The following CASR variants were observed in gnomAD, a reference collection of about 807,000 sequenced individuals.
The protein encoded by CASR is calcium sensing receptor.
CASR carries 23 observed loss-of-function variants against 69.1 expected under a neutral mutation model. That is an observed-to-expected ratio of 0.33 (90% CI 0.24 to 0.47). The LOEUF (loss-of-function observed/expected upper bound fraction) is 0.47. Among genes scored for constraint, CASR ranks in the 20% least tolerant of loss-of-function variants. The pLI is 1.00. For missense variants in CASR, 924 were observed against 1,356.1 expected (o/e 0.68, Z 5.00); for synonymous variants, 541 against 544.7 (o/e 0.99, Z 0.10).
In CASR at chr3:122,235,661, G is replaced by T. The variant is rs549971056; in HGVS notation, c.-242-18287G>T. Among the ~76,000 whole-genome samples the T allele has an allele frequency of 2.6e-5, 4 of 152,314 alleles. No homozygotes were observed. In the South Asian group the frequency reaches 8.3e-4, roughly 32 times the overall value. Reference sequence around the variant, plus strand: ...ATTTTTTAAAAAATAGCCTGGGGTAGTGGCATGTTCCTATAGTTTTAGTTA... The same window carrying T: ...ATTTTTTAAAAAATAGCCTGGGGTATTGGCATGTTCCTATAGTTTTAGTTA... On this transcript the variant is annotated intron_variant, in intron 1 of 6. Coordinates refer to ENST00000639785, the MANE Select transcript of CASR (RefSeq NM_000388.4).
In CASR at chr3:122,262,384, C is replaced by G; in HGVS notation, c.1349C>G (p.Ala450Gly). Residue 450 changes from alanine (A) to glycine (G), a missense_variant, in exon 4 of 7, where the codon GCA (alanine) becomes GGA (glycine). Physicochemically the swap from Ala to Gly is moderately conservative, Grantham distance 60. Around this residue, in one of 8 missense-constraint regions of CASR, gnomAD observed 310 missense variants for 395.7 expected, o/e 0.78. Coordinates refer to ENST00000639785, the MANE Select transcript of CASR (RefSeq NM_000388.4). ...GGGCTCTTCACCAATGGCTCCTGTG[C>G]AGACATCAAGAAAGTTGAGGCGTGG... ...GRGLFTNGSC[A>G]DIKKVEAWQV... 1 of 1,613,548 alleles carries G rather than the reference C, an allele frequency of 6.2e-7. No homozygotes were observed. The highest frequency in any genetic ancestry group is 8.5e-7 in the Non-Finnish European group (1 of 1,179,994).
Position 122,282,241 on chromosome 3 carries a change from G to A in CASR, c.1732+5G>A, listed in dbSNP as rs2074900109. ...GGGAGTATAGTGATGAGACAGGTAAGGGAACCCCTCTTGGGCACTGTGCAG... is the reference window on the plus strand; with the variant it reads ...GGGAGTATAGTGATGAGACAGGTAAAGGAACCCCTCTTGGGCACTGTGCAG... On this transcript the variant is annotated splice_donor_5th_base_variant and intron_variant, in intron 6 of 6. Coordinates refer to ENST00000639785, the MANE Select transcript of CASR (RefSeq NM_000388.4). 1 of 1,614,052 alleles carries A rather than the reference G, an allele frequency of 6.2e-7. No homozygotes were observed. The highest frequency in any genetic ancestry group is 1.1e-5 in the South Asian group (1 of 91,064).
chr3:122,209,479 G>T (rs907523724), intron 1 of CASR, among the ~76,000 whole-genome samples: 3 of 152,204 alleles, frequency 2.0e-5, no homozygotes, highest in Non-Finnish European at 2.9e-5. Flanking sequence ...AGGCAAGGAG[G>T]AGCAGGTCGC....
intron 1 of CASR, among the ~76,000 whole-genome samples, chr3:122,210,670 A>G (rs895847142): frequency 6.6e-6 from 1 of 152,370 alleles, no homozygotes; most frequent in South Asian, 2.1e-4. Context: ...TGCACAAAGT[A>G]ATGTGTAGAT....
chr3:122,196,005 T>C (rs1271146957), intron 1 of CASR, among the ~76,000 whole-genome samples: 4 of 152,194 alleles, frequency 2.6e-5, no homozygotes, highest in Admixed American at 6.5e-5. Flanking sequence ...GTTGATATGT[T>C]CAAAGATTTT....
At chr3:122,185,887 A>T (rs536444246) in intron 1 of CASR, among the ~76,000 whole-genome samples, 1 of 152,196 alleles carries the variant, frequency 6.6e-6, no homozygotes, top group East Asian at 1.9e-4. Context: ...GCAGGCCAAG[A>T]CCCTTGAGTA....
At chr3:122,277,926 G>T (rs1254252104) in intron 5 of CASR, among the ~76,000 whole-genome samples, 1 of 152,186 alleles carries the variant, frequency 6.6e-6, no homozygotes, top group Non-Finnish European at 1.5e-5. Flanking sequence ...TCTTGGAATA[G>T]TTGACACAGT....
chr3:122,248,937 A>G (rs138150954), intron 1 of CASR, among the ~76,000 whole-genome samples: 2 of 152,334 alleles, frequency 1.3e-5, no homozygotes, highest in African/African-American at 4.8e-5. Context: ...CAAGTTCAAC[A>G]GACATTTTTA....
chr3:122,202,123 G>A (rs1160823762), intron 1 of CASR, among the ~76,000 whole-genome samples: 3 of 152,268 alleles, frequency 2.0e-5, no homozygotes, highest in South Asian at 2.1e-4. Context: ...CTCCAGCCTG[G>A]GCACCATTGA....
chr3:122,282,911 G>A (rs965083907), intron 6 of CASR, among the ~76,000 whole-genome samples: 2 of 152,216 alleles, frequency 1.3e-5, no homozygotes, highest in Admixed American at 6.5e-5. Context: ...TCACTAGTAA[G>A]TTGTATGGCC....
chr3:122,230,752 A>G (rs2074271001), intron 1 of CASR, among the ~76,000 whole-genome samples: 1 of 152,216 alleles, frequency 6.6e-6, no homozygotes, highest in Admixed American at 6.5e-5. Flanking sequence ...TTACAAGAGA[A>G]GACACCAAAG....
intron 1 of CASR, among the ~76,000 whole-genome samples, chr3:122,221,217 A>G (rs907675703): frequency 1.3e-5 from 2 of 152,212 alleles, no homozygotes; most frequent in African/African-American, 4.8e-5. Flanking sequence ...GAATTTTTCC[A>G]TATATTTTTG....
chr3:122,193,653 C>A (rs2073859989), intron 1 of CASR, among the ~76,000 whole-genome samples: 1 of 152,168 alleles, frequency 6.6e-6, no homozygotes, highest in African/African-American at 2.4e-5. Context: ...GAGATTAGTT[C>A]AAAATACATA....
chr3:122,250,663 T>C (rs948866693), intron 1 of CASR, among the ~76,000 whole-genome samples: 2 of 152,200 alleles, frequency 1.3e-5, no homozygotes, highest in Non-Finnish European at 2.9e-5. Flanking sequence ...ATACATGGAA[T>C]GTTTAAGGGA....
Position 122,282,147 on chromosome 3 carries a change from C to A in CASR, c.1643C>A (p.Ala548Glu). ...TCCAACTGCAGCCGAGACTGCCTGG[C>A]AGGGACCAGGAAAGGGATCATTGAG... ...PFSNCSRDCLAGTRKGIIEGE... is the reference protein window; with the variant it reads ...PFSNCSRDCLEGTRKGIIEGE... The change falls in exon 6 of 7, where the codon GCA (alanine) becomes GAA (glutamate). Residue 548 changes from alanine to glutamate, a missense_variant. This residue lies in a region of CASR where 310 missense variants were observed against 395.7 expected (regional missense o/e 0.78). Coordinates refer to ENST00000639785, the MANE Select transcript of CASR (RefSeq NM_000388.4). The A allele has an allele frequency of 1.2e-6, 2 of 1,614,058 alleles. No homozygotes were observed. The highest frequency in any genetic ancestry group is 1.7e-6 in the Non-Finnish European group (2 of 1,179,892).
chr3:122,284,634 G>A lies in CASR; in HGVS notation c.2680G>A (p.Val894Ile), dbSNP rs200883282. 3.7e-6 allele frequency: 6 copies of A among 1,613,902 alleles called. No individual in the cohort carries two copies. Among genetic ancestry groups the A allele is most frequent in the African/African-American group, 1.3e-5 (1 of 74,938 alleles). ...CCGGGCCACGCTGCGCCGCAGCAAC[G>A]TCTCCCGCAAGCGGTCCAGCAGCCT... The part of the protein sequence containing the change: ...AARATLRRSN[V>I]SRKRSSSLGG... Residue 894 changes from valine to isoleucine, a missense_variant, in exon 7 of 7, where the codon GTC (valine) becomes ATC (isoleucine). Coordinates refer to ENST00000639785, the MANE Select transcript of CASR (RefSeq NM_000388.4).
rs747205055 is a variant in CASR, at chr3:122,284,646, C to T, written c.2692C>T (p.Arg898Trp). 1 of 1,613,952 alleles carries T rather than the reference C, an allele frequency of 6.2e-7. No individual in the cohort carries two copies. The highest frequency in any genetic ancestry group is 8.5e-7 in the Non-Finnish European group (1 of 1,179,902). ...TLRRSNVSRK[R>W]SSSLGGSTGS... is the part of the protein sequence containing the mutation. ...GCGCCGCAGCAACGTCTCCCGCAAGCGGTCCAGCAGCCTTGGAGGCTCCAC... is the reference window on the plus strand; with the variant it reads ...GCGCCGCAGCAACGTCTCCCGCAAGTGGTCCAGCAGCCTTGGAGGCTCCAC... The change falls in exon 7 of 7, where the codon CGG becomes TGG. Residue 898 changes from arginine to tryptophan, a missense_variant. Arg to Trp is a moderately radical substitution (Grantham distance 101). This residue lies in a region of CASR where 201 missense variants were observed against 228.8 expected (regional missense o/e 0.88). Coordinates refer to ENST00000639785, the MANE Select transcript of CASR (RefSeq NM_000388.4).
At chr3:122,200,570 T>C (rs1212062448) in intron 1 of CASR, among the ~76,000 whole-genome samples, 2 of 152,198 alleles carry the variant, frequency 1.3e-5, no homozygotes, top group Non-Finnish European at 2.9e-5. Flanking sequence ...ATCACTGTAG[T>C]TTATTCATTT....
intron 1 of CASR, among the ~76,000 whole-genome samples, chr3:122,230,325 C>A (rs1576836109): frequency 6.6e-6 from 1 of 152,246 alleles, no homozygotes; most frequent in Non-Finnish European, 1.5e-5. Flanking sequence ...TAGCGCCACG[C>A]ATTACAAAAC....
Sources: gnomAD v4.1 joint callset for allele counts (sites outside exome capture counted in the v4.1 genomes callset) on GRCh38, gnomAD v4.1.1 for gene constraint, gnomAD v4.1.1 regional missense constraint, MANE v1.5 for transcripts, NCBI Gene and HGNC (gene_info 2026-07-23, HGNC 2026-07-21) for gene names.